The following CNPY1 variants were observed in gnomAD, a reference collection of about 807,000 sequenced individuals.
CNPY1 encodes the protein canopy FGF signaling regulator 1.
CNPY1 carries 14 observed loss-of-function variants against 14.4 expected under a neutral mutation model. The ratio of observed to expected loss-of-function variants is 0.97; its 90% CI spans 0.64 to 1.52. CNPY1 has a LOEUF of 1.52. CNPY1 is among the 40% of genes most tolerant of loss of function. The pLI is 0.00. For synonymous variants in CNPY1, 43 were observed against 46.5 expected, an observed-to-expected ratio of 0.92 and a Z score of 0.31; for missense variants, 129 against 131.5, an observed-to-expected ratio of 0.98 and a Z score of 0.09.
Position 155,538,055 on chromosome 7 carries a change from C to T in CNPY1, c.99+7776G>A, listed in dbSNP as rs79122708. ...ACACGTAAGAGGGCATCTGTATGTG[C>T]GGGTTAATAACCTCTTTTTTGCACT... On this transcript the variant is annotated intron_variant, in intron 2 of 4. Transcript: ENST00000636446. 1.2e-3 allele frequency among the ~76,000 whole-genome samples: 181 copies of T among 152,266 alleles called. 2 individuals are homozygous for T. In the East Asian group the frequency reaches 0.024, roughly 20 times the overall value.
At chr7:155,520,552 C>T (rs553012697) in intron 2 of CNPY1, among the ~76,000 whole-genome samples, 1 of 150,622 alleles carries the variant, frequency 6.6e-6, no homozygotes, top group East Asian at 2.0e-4. Context: ...ATTCTCATGC[C>T]TCAGCCTCCC....
At chr7:155,520,765 G>T (rs1456527509) in intron 2 of CNPY1, among the ~76,000 whole-genome samples, 2 of 152,064 alleles carry the variant, frequency 1.3e-5, no homozygotes, top group Non-Finnish European at 2.9e-5. Flanking sequence ...TTGGACTAAG[G>T]GTTCTCTTTA....
chr7:155,520,847 C>T (rs1796707143), intron 2 of CNPY1, among the ~76,000 whole-genome samples: 1 of 152,092 alleles, frequency 6.6e-6, no homozygotes, highest in Non-Finnish European at 1.5e-5. Context: ...TCCCCTTTGA[C>T]TGGGTGCAGG....
chr7:155,521,460 C>T (rs750978221), intron 2 of CNPY1, among the ~76,000 whole-genome samples: 24 of 152,256 alleles, frequency 1.6e-4, no homozygotes, highest in Non-Finnish European at 3.1e-4. Flanking sequence ...AGCATCCCCT[C>T]TGCACAAGGG....
At chr7:155,544,471 T>C (rs1797136025) in intron 2 of CNPY1, among the ~76,000 whole-genome samples, 1 of 152,174 alleles carries the variant, frequency 6.6e-6, no homozygotes, top group Non-Finnish European at 1.5e-5. Flanking sequence ...ATAGCCCAGA[T>C]TGAAGTTATC....
intron 2 of CNPY1, among the ~76,000 whole-genome samples, chr7:155,529,018 G>A (rs1196285814): frequency 2.7e-5 from 4 of 150,712 alleles, no homozygotes; most frequent in Admixed American, 6.6e-5. Context: ...CAGAGATCGC[G>A]CCACTGCACT....
intron 2 of CNPY1, among the ~76,000 whole-genome samples, chr7:155,533,073 C>T (rs1356345755): frequency 1.3e-5 from 2 of 152,244 alleles, no homozygotes; most frequent in Non-Finnish European, 2.9e-5. Flanking sequence ...AAGCTCTGCA[C>T]ATCGCTAGAG....
intron 2 of CNPY1, among the ~76,000 whole-genome samples, chr7:155,537,839 T>TA (rs1797041068): frequency 6.6e-6 from 1 of 152,204 alleles, no homozygotes; most frequent in Non-Finnish European, 1.5e-5. Flanking sequence ...GGAATTCTTT[T>TA]GATTTCTAAA....
At chr7:155,519,441 A>G (rs1796677245) in intron 2 of CNPY1, among the ~76,000 whole-genome samples, 1 of 151,998 alleles carries the variant, frequency 6.6e-6, no homozygotes, top group Admixed American at 6.6e-5. Flanking sequence ...GAATCACCTG[A>G]ACCCAGGAGG....
At chr7:155,533,284 T>C (rs1210807930) in intron 2 of CNPY1, among the ~76,000 whole-genome samples, 1 of 152,170 alleles carries the variant, frequency 6.6e-6, no homozygotes, top group Non-Finnish European at 1.5e-5. Context: ...TCTGACATTG[T>C]CACCTGGCAG....
chr7:155,510,857 T>G (rs1310550306), intron 2 of CNPY1, among the ~76,000 whole-genome samples: 1 of 152,252 alleles, frequency 6.6e-6, no homozygotes, highest in African/African-American at 2.4e-5. Context: ...TAAACACGTA[T>G]TAATCACTGG....
intron 3 of CNPY1, among the ~76,000 whole-genome samples, 190 bp downstream of exon 3, chr7:155,508,704 A>G (rs888292305): frequency 2.0e-5 from 3 of 152,234 alleles, no homozygotes; most frequent in Admixed American, 6.5e-5. Context: ...GGTGTCTCAA[A>G]AGTCAAGTTA....
chr7:155,539,432 C>T (rs17837556), intron 2 of CNPY1, among the ~76,000 whole-genome samples: 26,073 of 152,104 alleles, frequency 0.17, 2,600 homozygotes, highest in East Asian at 0.38. Flanking sequence ...GGCCCTCTAG[C>T]GAGTAGGAAA....
At chr7:155,510,998 T>A (rs994495838) in intron 2 of CNPY1, among the ~76,000 whole-genome samples, 2 of 152,266 alleles carry the variant, frequency 1.3e-5, no homozygotes, top group Non-Finnish European at 2.9e-5. Context: ...AGCTGATACA[T>A]ATACAATATA....
intron 2 of CNPY1, among the ~76,000 whole-genome samples, chr7:155,521,059 G>GAAGC (rs1416296911): frequency 2.9e-4 from 33 of 113,640 alleles, no homozygotes; most frequent in Admixed American, 1.1e-3. Context: ...AAGAAAGAAG[G>GAAGC]AAGGAAGGAA....
chr7:155,534,836 A>G (rs2116749612), intron 2 of CNPY1, among the ~76,000 whole-genome samples: 2 of 152,294 alleles, frequency 1.3e-5, no homozygotes, highest in South Asian at 4.1e-4. Context: ...GCGGCTCCTG[A>G]GCAGGAAAGA....
Position 155,507,098 on chromosome 7 carries a change from C to T in CNPY1, c.322G>A (p.Glu108Lys), listed in dbSNP as rs1303482385. Residue 108 changes from glutamate to lysine, a missense_variant, in exon 4 of 5, where the codon GAG (glutamate) becomes AAG (lysine). Coordinates refer to ENST00000636446, the MANE Select transcript of CNPY1 (RefSeq NM_001393663.1). ...LKFACETIIE[E>K]YEDEISSLIA... ...AGTGAGGATATTTCATCTTCATACT[C>T]TTCTATTATAGTTTCACACTGTAGA... 17 of 1,604,960 alleles carry T rather than the reference C, an allele frequency of 1.1e-5. No homozygotes were observed. Among genetic ancestry groups the T allele is most frequent in the Non-Finnish European group, 1.2e-5 (14 of 1,172,448 alleles).
intron 2 of CNPY1, among the ~76,000 whole-genome samples, chr7:155,512,065 G>A (rs1373584556): frequency 1.3e-5 from 2 of 152,108 alleles, no homozygotes; most frequent in African/African-American, 4.8e-5. Context: ...ATAAAACGAA[G>A]TCTTTCTATA....
rs1038975376 is a variant in CNPY1 at position 155,546,187 on chromosome 7, A to G, written c.-15+242T>C. Among the ~76,000 whole-genome samples, 3 of 129,880 alleles carry G rather than the reference A, an allele frequency of 2.3e-5. No individual in the cohort carries two copies. The Admixed American group carries it at 2.7e-4, about 12-fold the overall frequency. 85.2% of individuals were successfully genotyped at this position (129,880 alleles called of 152,430 possible). Reference sequence around the variant, plus strand: ...TATACAATTTACTTTTACATTTAAAATGTGCTTTTTTTTTTTTGAGACAGG... The same window carrying G: ...TATACAATTTACTTTTACATTTAAAGTGTGCTTTTTTTTTTTTGAGACAGG... On this transcript the variant is annotated intron_variant, in intron 1 of 4. Coordinates refer to ENST00000636446, the MANE Select transcript of CNPY1 (RefSeq NM_001393663.1).
Sources: allele counts gnomAD v4.1 joint callset (sites outside exome capture counted in the v4.1 genomes callset), GRCh38; gene constraint gnomAD v4.1.1; transcripts MANE v1.5; gene names NCBI Gene and HGNC (gene_info 2026-07-23, HGNC 2026-07-21).